The following FAM83G variants were observed in gnomAD, a reference collection of about 807,000 sequenced individuals.
FAM83G encodes the protein scaffolding CK1 anchoring protein G.
Under a neutral mutation model 61.5 loss-of-function variants are expected in FAM83G, and 38 were observed. The observed-to-expected ratio is 0.62, with a 90% CI of 0.48 to 0.81. The LOEUF (loss-of-function observed/expected upper bound fraction) is 0.81, where lower values mean the gene tolerates loss of function less well. Among genes scored for constraint, FAM83G ranks in the 30% least tolerant of loss-of-function variants. FAM83G has a pLI of 0.00. For synonymous variants in FAM83G, 470 were observed against 476.1 expected (o/e 0.99, Z 0.17); for missense variants, 989 against 1,133.6 (o/e 0.87, Z 1.83).
chr17:18,979,254 C>T, intron 4 of FAM83G: 1 of 483,544 alleles, frequency 2.1e-6, no homozygotes, highest in East Asian at 3.7e-5. Flanking sequence ...GAGCTGGCCC[C>T]ATCCCTAAGG....
Position 18,971,714 on chromosome 17 carries a change from G to A in FAM83G, c.2117C>T (p.Ser706Leu), listed in dbSNP as rs879170912. 6.3e-7 allele frequency: 1 copy of A among 1,596,732 alleles called. No homozygotes were observed. Among genetic ancestry groups the A allele is most frequent in the Non-Finnish European group, 8.6e-7 (1 of 1,169,370 alleles). The change falls in exon 6 of 6, where the codon TCA becomes TTA. Residue 706 changes from serine to leucine, a missense_variant. By Grantham distance (145) the Ser-to-Leu change is moderately radical. Coordinates refer to ENST00000388995, the MANE Select transcript of FAM83G (RefSeq NM_001039999.3). The surrounding 1 kb of genome is among the most constrained non-coding windows in gnomAD (Gnocchi z 5.5). ...QQFHHHRVPA[S>L]GTRDKDGFPG... Reference sequence around the variant, plus strand: ...GAAGCCGTCTTTATCCCTAGTCCCTGAGGCAGGGACCCTGTGATGATGAAA... The same window carrying A: ...GAAGCCGTCTTTATCCCTAGTCCCTAAGGCAGGGACCCTGTGATGATGAAA...
chr17:19,001,065 A>G (rs75511380), intron 2 of FAM83G, among the ~76,000 whole-genome samples: 17 of 152,220 alleles, frequency 1.1e-4, no homozygotes, highest in Non-Finnish European at 2.4e-4. Flanking sequence ...AGAACTAGCT[A>G]GGTGACCTTG....
At chr17:19,005,859 C>T (rs1057174016), upstream of FAM83G, among the ~76,000 whole-genome samples, 1 of 152,348 alleles carries the variant, frequency 6.6e-6, no homozygotes, top group African/African-American at 2.4e-5. Context: ...AACAGGCACA[C>T]ATATTTGCAT....
At chr17:18,981,814 A>G (rs2043140943) in intron 3 of FAM83G, among the ~76,000 whole-genome samples, 1 of 152,090 alleles carries the variant, frequency 6.6e-6, no homozygotes, top group Non-Finnish European at 1.5e-5. Context: ...CCAGCTCAGC[A>G]GGAAGCTGGC....
intron 2 of FAM83G, among the ~76,000 whole-genome samples, chr17:18,994,806 CACA>C (rs2043523398): frequency 6.6e-6 from 1 of 152,160 alleles, no homozygotes; most frequent in Non-Finnish European, 1.5e-5. Context: ...TGTTCTCTGT[CACA>C]ACTACTCAAA....
rs2043803021 is a variant in FAM83G at position 19,003,850 on chromosome 17, G to A, written c.192C>T (p.Leu64=). The A allele has an allele frequency of 6.2e-7, 1 of 1,613,028 alleles. No individual in the cohort carries two copies. The highest frequency in any genetic ancestry group is 1.1e-5 in the South Asian group (1 of 91,084). Residue 64 remains leucine, a synonymous_variant, in exon 2 of 6, where the codon CTC becomes CTT. Transcript: ENST00000388995. This position sits in a 1 kb window ranked among gnomAD's most constrained non-coding sequence, Gnocchi z 4.5. ...CCTCGATGGTCTCCAGGATGCGCTT[G>A]AGCTCCAGCTCCGAGAGGAAGTCTC... ...NIRDFLSELE[L]KRILETIEVY...
intron 2 of FAM83G, among the ~76,000 whole-genome samples, chr17:18,994,715 T>C (rs527930102): frequency 1.3e-5 from 2 of 152,340 alleles, no homozygotes; most frequent in East Asian, 3.9e-4. Context: ...GCCTCAGCAG[T>C]TGACAAATAA....
chr17:18,988,741 C>A (rs1042271846), intron 2 of FAM83G, among the ~76,000 whole-genome samples: 1 of 152,260 alleles, frequency 6.6e-6, no homozygotes, highest in Non-Finnish European at 1.5e-5. Context: ...GGAAGGGCAG[C>A]AGCTGGCGTG....
chr17:18,990,961 G>C (rs190047485), intron 2 of FAM83G, among the ~76,000 whole-genome samples: 4 of 152,214 alleles, frequency 2.6e-5, no homozygotes, highest in Non-Finnish European at 4.4e-5. Context: ...CCCACCCAGA[G>C]CACCTTCTGC....
rs561787185 is a variant in FAM83G at position 18,988,522 on chromosome 17, C to T, written c.523-108G>A. 976 of 1,527,102 alleles carry T rather than the reference C, an allele frequency of 6.4e-4. 1 individual carries two copies. The highest frequency in any genetic ancestry group is 8.2e-4 in the Non-Finnish European group (927 of 1,130,570). The allele number at this position is 1,527,102 out of a possible 1,614,324, so 94.6% of individuals were successfully genotyped here. On this transcript the variant is annotated intron_variant, in intron 2 of 5. Transcript: ENST00000388995. ...CATGCCACCAGCCTCTCACAGGTGC[C>T]CACTCTGGCCCTACTCCTGGAGCCT...
intron 3 of FAM83G, among the ~76,000 whole-genome samples, chr17:18,980,231 G>A (rs1293553905): frequency 6.6e-6 from 1 of 152,132 alleles, no homozygotes; most frequent in Admixed American, 6.5e-5. Context: ...GTCTCTGCTG[G>A]GCTCTGCTCC....
intron 4 of FAM83G, 107 bp downstream of exon 4, chr17:18,979,442 G>T (rs568501846): frequency 1.4e-6 from 2 of 1,406,354 alleles, no homozygotes; most frequent in Non-Finnish European, 1.9e-6. Context: ...CACCTCAGCA[G>T]CCTTGGGACC....
rs1420956280 is a variant in FAM83G at position 18,970,131 on chromosome 17, T to C, written c.*1228A>G. The C allele has an allele frequency of 6.6e-6, 1 of 152,288 alleles. No individual in the cohort carries two copies. Among genetic ancestry groups the C allele is most frequent in the Non-Finnish European group, 1.5e-5 (1 of 68,072 alleles). The allele number at this position is 152,288 out of a possible 1,614,324, so 9.4% of individuals were successfully genotyped here. A position where few individuals can be genotyped will look rare whatever the true frequency, so the allele number is the denominator to read the frequency against. ...CTCGGTCTGAATACAGAGCCTGACC[T>C]GAGCTCCATGGGAACAGTGATGCTG... On this transcript the variant is annotated 3_prime_UTR_variant, in exon 6 of 6. Coordinates refer to ENST00000388995, the MANE Select transcript of FAM83G (RefSeq NM_001039999.3).
intron 3 of FAM83G, among the ~76,000 whole-genome samples, chr17:18,987,200 G>T (rs146592505): frequency 3.4e-4 from 52 of 152,310 alleles, no homozygotes; most frequent in African/African-American, 1.2e-3. Context: ...ATTTTGACCT[G>T]TCAGACACTG....
Position 18,970,830 on chromosome 17 carries a change from A to G in FAM83G, c.*529T>C. 1 of 600,600 alleles carries G rather than the reference A, an allele frequency of 1.7e-6. No homozygotes were observed. The highest frequency in any genetic ancestry group is 2.0e-5 in the South Asian group (1 of 49,166). 37.2% of individuals were successfully genotyped at this position (600,600 alleles called of 1,614,324 possible). On this transcript the variant is annotated 3_prime_UTR_variant, in exon 6 of 6. Coordinates refer to ENST00000388995, the MANE Select transcript of FAM83G (RefSeq NM_001039999.3). ...ATACGAATAAAATAGTCATTCAAAT[A>G]CACCTTAAAAAAAAAAACAACCCTC...
At chr17:18,995,550 G>A (rs997816754) in intron 2 of FAM83G, among the ~76,000 whole-genome samples, 18 of 152,160 alleles carry the variant, frequency 1.2e-4, no homozygotes, top group East Asian at 3.9e-4. Context: ...GGGAGTGAGC[G>A]AGAGACTAAA....
At chr17:18,975,456 G>A (rs1413449039) in intron 5 of FAM83G, among the ~76,000 whole-genome samples, 1 of 152,176 alleles carries the variant, frequency 6.6e-6, no homozygotes, top group Non-Finnish European at 1.5e-5. Context: ...TTGGGAGGCC[G>A]AGGCGGGCAG....
chr17:18,986,485 G>A (rs149945235), intron 3 of FAM83G, among the ~76,000 whole-genome samples: 7 of 152,266 alleles, frequency 4.6e-5, no homozygotes, highest in East Asian at 3.9e-4. Context: ...GGCCTCCCTC[G>A]GATCTCAGTT....
chr17:18,972,468 G>A (rs2042878694), intron 5 of FAM83G, among the ~76,000 whole-genome samples: 1 of 152,218 alleles, frequency 6.6e-6, no homozygotes. Context: ...CGAACCCAGA[G>A]TGGAGTGACT....
Sources: allele counts gnomAD v4.1 joint callset (sites outside exome capture counted in the v4.1 genomes callset), GRCh38; gene constraint gnomAD v4.1.1; non-coding constraint Gnocchi (gnomAD v3.1); transcripts MANE v1.5; gene names NCBI Gene and HGNC (gene_info 2026-07-23, HGNC 2026-07-21).